The following GPM6A variants were observed in gnomAD, a reference collection of about 807,000 sequenced individuals.
The protein encoded by GPM6A is glycoprotein M6A, also known as neuronal membrane glycoprotein M6-a.
In GPM6A, 7 loss-of-function variants were observed where a neutral mutation model predicts 32.1. The observed-to-expected ratio is 0.22, with a 90% CI of 0.12 to 0.41. The LOEUF is 0.41. GPM6A is among the 10% of genes least tolerant of loss of function. The pLI is 1.00. For synonymous variants in GPM6A, 130 were observed against 123.4 expected (o/e 1.05, Z -0.35); for missense variants, 235 against 347.2 (o/e 0.68, Z 2.57).
chr4:175,741,077 T>C (rs1015771154), intron 1 of GPM6A, among the ~76,000 whole-genome samples: 2 of 152,048 alleles, frequency 1.3e-5, no homozygotes, highest in African/African-American at 4.8e-5. Flanking sequence ...ATCAGAACTG[T>C]CTAATTGGTT....
chr4:175,705,443 G>A (rs1191749638), intron 1 of GPM6A, among the ~76,000 whole-genome samples: 3 of 152,156 alleles, frequency 2.0e-5, no homozygotes, highest in African/African-American at 7.2e-5. Flanking sequence ...CTTGTAACGG[G>A]CTAGATCCTA....
At chr4:175,954,705 T>A (rs945796535) in intron 1 of GPM6A, among the ~76,000 whole-genome samples, 16 of 152,234 alleles carry the variant, frequency 1.1e-4, no homozygotes, top group African/African-American at 3.9e-4. Context: ...TCTTAGCCTT[T>A]GTAGTCCAGC....
intron 1 of GPM6A, among the ~76,000 whole-genome samples, chr4:175,927,015 TTATC>T (rs1579634034): frequency 1.3e-5 from 2 of 152,264 alleles, no homozygotes; most frequent in South Asian, 4.1e-4. Flanking sequence ...ATTGTTCACT[TTATC>T]TAATGCTTTT....
intron 1 of GPM6A, among the ~76,000 whole-genome samples, chr4:175,764,265 A>G (rs920805020): frequency 2.0e-5 from 3 of 152,214 alleles, no homozygotes. Context: ...GAATCATGCT[A>G]CACACATGCT....
In GPM6A at chr4:175,869,751, C is replaced by T. The variant is rs112072233; in HGVS notation, c.-22-57502G>A. Among the ~76,000 whole-genome samples the T allele has an allele frequency of 3.7e-3, 558 of 149,240 alleles. 3 individuals carry two copies. The highest frequency in any genetic ancestry group is 0.013 in the African/African-American group (521 of 39,948). On this transcript the variant is annotated intron_variant, in intron 1 of 7. Transcript: ENST00000280187. ...CAGCCTGGGTGACAGAACAAGACTC[C>T]GTCTCAAAAAAAACAAAAACAAAAA...
intron 2 of GPM6A, among the ~76,000 whole-genome samples, chr4:175,683,835 CT>C (rs748908929): frequency 0.014 from 2,052 of 145,090 alleles, 48 homozygotes; most frequent in African/African-American, 0.046. Flanking sequence ...TATACATATA[CT>C]TTTTTTTTTT....
chr4:175,865,396 G>C (rs1375094453), intron 1 of GPM6A, among the ~76,000 whole-genome samples: 3 of 152,070 alleles, frequency 2.0e-5, no homozygotes, highest in African/African-American at 7.2e-5. Flanking sequence ...TTTCACAATT[G>C]TTTTAGCTAT....
At chr4:175,643,209 A>C (rs1417739896) in intron 4 of GPM6A, among the ~76,000 whole-genome samples, 1 of 152,152 alleles carries the variant, frequency 6.6e-6, no homozygotes. Context: ...CCCTTCCTAC[A>C]AACCATTCTT....
chr4:175,933,306 C>T (rs182628547), intron 1 of GPM6A, among the ~76,000 whole-genome samples: 34 of 152,242 alleles, frequency 2.2e-4, no homozygotes, highest in Admixed American at 1.7e-3. Flanking sequence ...TACCACTAAA[C>T]ACCCTCTAAA....
At chr4:175,822,359 T>A (rs1398747150) in intron 1 of GPM6A, among the ~76,000 whole-genome samples, 2 of 152,264 alleles carry the variant, frequency 1.3e-5, no homozygotes, top group African/African-American at 4.8e-5. Context: ...AATGCCTTTT[T>A]AAAAAGCTGT....
chr4:175,961,005 G>A (rs540058544), intron 1 of GPM6A, among the ~76,000 whole-genome samples: 1 of 152,196 alleles, frequency 6.6e-6, no homozygotes, highest in Non-Finnish European at 1.5e-5. Flanking sequence ...GCACAAGAAT[G>A]TCTATGTTAC....
chr4:175,636,002 A>G lies in GPM6A; in HGVS notation c.685-945T>C, dbSNP rs530662250. On this transcript the variant is annotated intron_variant, in intron 6 of 6. Coordinates refer to ENST00000393658, the MANE Select transcript of GPM6A (RefSeq NM_201591.3). ...GTTCTAGAAAAGTACAGATGGATATAAAGAATGCAATGTCAATTCTAAATA... is the reference window on the plus strand; with the variant it reads ...GTTCTAGAAAAGTACAGATGGATATGAAGAATGCAATGTCAATTCTAAATA... Among the ~76,000 whole-genome samples the G allele has an allele frequency of 7.2e-5, 11 of 152,162 alleles. No individual in the cohort carries two copies. In the South Asian group the frequency reaches 2.3e-3, roughly 32 times the overall value.
chr4:175,902,658 T>C (rs193097716), intron 1 of GPM6A, among the ~76,000 whole-genome samples: 226 of 152,216 alleles, frequency 1.5e-3, no homozygotes, highest in Admixed American at 3.5e-3. Flanking sequence ...GTTTGCCCTA[T>C]GTAAATCAGA....
rs536592400 is a variant in GPM6A at position 175,671,514 on chromosome 4, C to T, written c.387+2166G>A. ...AAAAAAAAAAAAAAAAAAGCAGCAT[C>T]AGTAGAGTGGAAATAAGTAGCAGGA... is the stretch of plus-strand genomic sequence containing the variant. On this transcript the variant is annotated intron_variant, in intron 3 of 6. Coordinates refer to ENST00000393658, the MANE Select transcript of GPM6A (RefSeq NM_201591.3). Among the ~76,000 whole-genome samples, 14 of 101,850 alleles carry T rather than the reference C, an allele frequency of 1.4e-4. No homozygotes were observed. The South Asian group carries it at 2.7e-3, about 19-fold the overall frequency. 66.8% of individuals were successfully genotyped at this position (101,850 alleles called of 152,430 possible). A position where few individuals can be genotyped will look rare whatever the true frequency, so the allele number is the denominator to read the frequency against.
chr4:175,970,311 C>T (rs945922596), intron 1 of GPM6A, among the ~76,000 whole-genome samples: 10 of 152,110 alleles, frequency 6.6e-5, no homozygotes, highest in East Asian at 5.8e-4. Context: ...GCAGCAAACA[C>T]ATGAACCCCT....
chr4:175,809,518 T>C (rs1734831738), intron 1 of GPM6A, among the ~76,000 whole-genome samples: 1 of 152,106 alleles, frequency 6.6e-6, no homozygotes. Flanking sequence ...CATAATGAGA[T>C]ACTCACTTTT....
chr4:175,906,645 A>T (rs1282859651), intron 1 of GPM6A: 1 of 152,124 alleles, frequency 6.6e-6, no homozygotes, highest in African/African-American at 2.4e-5. Context: ...TTTGAAATCC[A>T]GTTTTACCTT....
At position 175,999,604 on chromosome 4, in the gene GPM6A, A is replaced by G. The variant is rs1463686999; in HGVS notation, c.-23+2705T>C. 3.3e-5 allele frequency among the ~76,000 whole-genome samples: 5 copies of G among 152,220 alleles called. No individual in the cohort carries two copies. In the East Asian group the frequency reaches 9.7e-4, roughly 29 times the overall value. The stretch of plus-strand genomic sequence containing the variant: ...ATTATTCAGAATGTTTGATTAACCA[A>G]TTACTCTCATTCTTCCACAGTGCTA... On this transcript the variant is annotated intron_variant, in intron 1 of 7. Coordinates refer to the GPM6A transcript ENST00000280187.
chr4:175,866,506 G>A (rs143445247), intron 1 of GPM6A, among the ~76,000 whole-genome samples: 32 of 152,242 alleles, frequency 2.1e-4, no homozygotes, highest in Middle Eastern at 3.4e-3. Flanking sequence ...CATATAGTTA[G>A]AATCATGGAG....
Sources: allele counts gnomAD v4.1 joint callset (sites outside exome capture counted in the v4.1 genomes callset), GRCh38; gene constraint gnomAD v4.1.1; transcripts MANE v1.5; gene names NCBI Gene and HGNC (gene_info 2026-07-23, HGNC 2026-07-21).